Variants in FSTL4 observed in about 807,000 individuals in gnomAD.
FSTL4 encodes follistatin like 4.
A neutral mutation model predicts 78.2 loss-of-function variants in FSTL4; 28 were observed. The observed-to-expected ratio is 0.36, with a 90% CI of 0.27 to 0.49. The LOEUF (loss-of-function observed/expected upper bound fraction) is 0.49. Among genes scored for constraint, FSTL4 ranks in the 20% least tolerant of loss-of-function variants. FSTL4 has a pLI of 0.98. For missense variants in FSTL4, 922 were observed against 1,084.9 expected, an observed-to-expected ratio of 0.85 and a Z score of 2.11; for synonymous variants, 422 against 440.5, an observed-to-expected ratio of 0.96 and a Z score of 0.53.
chr5:133,571,609 G>A (rs1279072978), intron 2 of FSTL4, among the ~76,000 whole-genome samples: 1 of 152,154 alleles, frequency 6.6e-6, no homozygotes, highest in Non-Finnish European at 1.5e-5. Context: ...AAAATGCTCA[G>A]GTGATGGATG....
At chr5:133,332,922 C>T (rs1754380663) in intron 4 of FSTL4, among the ~76,000 whole-genome samples, 3 of 152,208 alleles carry the variant, frequency 2.0e-5, no homozygotes. Flanking sequence ...CTTTTGGAGG[C>T]TCATGGCACC....
chr5:133,339,805 G>C (rs1446524652), intron 4 of FSTL4, among the ~76,000 whole-genome samples: 1 of 152,224 alleles, frequency 6.6e-6, no homozygotes, highest in Non-Finnish European at 1.5e-5. Context: ...GGTGAGAGCA[G>C]AAGAGAAACC....
At chr5:133,489,197 T>A (rs1758206727) in intron 3 of FSTL4, among the ~76,000 whole-genome samples, 1 of 152,224 alleles carries the variant, frequency 6.6e-6, no homozygotes. Context: ...AACCCGTTTC[T>A]CGGCTAACCT....
chr5:133,269,394 C>T (rs897240303), intron 6 of FSTL4, among the ~76,000 whole-genome samples: 4 of 152,020 alleles, frequency 2.6e-5, no homozygotes, highest in Non-Finnish European at 5.9e-5. Context: ...AGGCGTGAGA[C>T]GGGGGATAAG....
intron 6 of FSTL4, among the ~76,000 whole-genome samples, chr5:133,253,093 A>C (rs1292855821): frequency 2.6e-5 from 4 of 152,234 alleles, no homozygotes; most frequent in Non-Finnish European, 5.9e-5. Context: ...AATTTGTGTC[A>C]ATATTCCCCA....
intron 3 of FSTL4, among the ~76,000 whole-genome samples, chr5:133,557,493 T>C (rs1005085143): frequency 1.3e-5 from 2 of 152,240 alleles, no homozygotes; most frequent in Non-Finnish European, 2.9e-5. Flanking sequence ...CACTTCATGA[T>C]ATCCTGACCA....
the FSTL4 span, among the ~76,000 whole-genome samples, chr5:133,692,760 C>T: frequency 6.6e-6 from 1 of 152,198 alleles, no homozygotes; most frequent in Admixed American, 6.5e-5. Flanking sequence ...CTGCTGCTCC[C>T]TTGACTTGGG....
chr5:133,794,841 G>A, the FSTL4 span, among the ~76,000 whole-genome samples: 1 of 151,694 alleles, frequency 6.6e-6, no homozygotes, highest in African/African-American at 2.4e-5. Context: ...GGCAGAAGAC[G>A]GGGGGAAGAT....
chr5:133,330,149 T>C (rs968465869), intron 4 of FSTL4, among the ~76,000 whole-genome samples: 99 of 152,346 alleles, frequency 6.5e-4, no homozygotes, highest in African/African-American at 2.3e-3. Flanking sequence ...CCTCCATGAG[T>C]GCAGCTGGTG....
chr5:133,444,920 C>G (rs1194892843), intron 3 of FSTL4, among the ~76,000 whole-genome samples: 1 of 152,194 alleles, frequency 6.6e-6, no homozygotes, highest in Non-Finnish European at 1.5e-5. Flanking sequence ...GCTCCTAGCC[C>G]CTGTTTAACC....
chr5:133,621,295 G>C, the FSTL4 span, among the ~76,000 whole-genome samples: 2 of 152,180 alleles, frequency 1.3e-5, no homozygotes, highest in African/African-American at 4.8e-5. Context: ...AGCTACTCGG[G>C]AGGCTGAGGC....
intron 1 of FSTL4, among the ~76,000 whole-genome samples, chr5:133,608,020 A>C (rs957610868): frequency 6.6e-6 from 1 of 152,228 alleles, no homozygotes; most frequent in South Asian, 2.1e-4. Flanking sequence ...ACTCTGGAGA[A>C]GTAAATCTGT....
At chr5:133,254,484 TA>T (rs1214668858) in intron 6 of FSTL4, among the ~76,000 whole-genome samples, 2 of 152,226 alleles carry the variant, frequency 1.3e-5, no homozygotes, top group Non-Finnish European at 1.5e-5. Context: ...GGGCAGGGAC[TA>T]GGTGTTTGGG....
intron 3 of FSTL4, among the ~76,000 whole-genome samples, chr5:133,566,349 T>C (rs187061059): frequency 1.1e-4 from 16 of 152,334 alleles, no homozygotes; most frequent in Admixed American, 1.0e-3. Flanking sequence ...CAATGTTAGA[T>C]TTAGTAGTCA....
the FSTL4 span, among the ~76,000 whole-genome samples, chr5:133,795,456 T>C: frequency 8.5e-5 from 13 of 152,374 alleles, no homozygotes; most frequent in South Asian, 4.1e-4. Flanking sequence ...GGTGTGCATG[T>C]CAACTTTCAC....
intron 6 of FSTL4, among the ~76,000 whole-genome samples, chr5:133,287,429 G>A (rs1010919514): frequency 1.3e-5 from 2 of 151,642 alleles, no homozygotes; most frequent in African/African-American, 4.9e-5. Context: ...CTATTCTACC[G>A]AGGAGGTGAA....
chr5:133,791,930 C>T, the FSTL4 span, among the ~76,000 whole-genome samples: 1 of 152,198 alleles, frequency 6.6e-6, no homozygotes. Context: ...CAATCTCACC[C>T]GTGGTTCCAG....
At chr5:133,228,706 T>TG (rs1561631094) in intron 8 of FSTL4, among the ~76,000 whole-genome samples, 1 of 152,214 alleles carries the variant, frequency 6.6e-6, no homozygotes, top group Non-Finnish European at 1.5e-5. Context: ...ATCAATTTCT[T>TG]GGGGAAAATC....
intron 3 of FSTL4, among the ~76,000 whole-genome samples, chr5:133,534,684 A>G (rs965216191): frequency 2.0e-5 from 3 of 152,206 alleles, no homozygotes; most frequent in African/African-American, 7.2e-5. Flanking sequence ...AATGGTTACT[A>G]GGATACAAAT....
Sources: gnomAD v4.1 joint callset for allele counts (sites outside exome capture counted in the v4.1 genomes callset) on GRCh38, gnomAD v4.1.1 for gene constraint, MANE v1.5 for transcripts, NCBI Gene and HGNC (gene_info 2026-07-23, HGNC 2026-07-21) for gene names.